DDX1: variants seen among roughly 807,000 people sequenced by gnomAD.
The protein encoded by DDX1 is DEAD-box helicase 1, also known as ATP-dependent RNA helicase DDX1.
In DDX1, 28 loss-of-function variants were observed where a neutral mutation model predicts 108.7. The observed-to-expected ratio is 0.26, with a 90% CI of 0.19 to 0.35. The LOEUF (loss-of-function observed/expected upper bound fraction) is 0.35, where lower values mean the gene tolerates loss of function less well. Ranked by LOEUF, DDX1 falls within the 10% of genes least tolerant of loss-of-function variation. The pLI is 1.00. For missense variants in DDX1, 710 were observed against 884.5 expected (o/e 0.80, Z 2.50); for synonymous variants, 295 against 288.9 (o/e 1.02, Z -0.21).
chr2:15,629,174 T>C (rs1042342786), intron 23 of DDX1, among the ~76,000 whole-genome samples: 1 of 152,186 alleles, frequency 6.6e-6, no homozygotes, highest in East Asian at 1.9e-4. Flanking sequence ...TATAGAAAAG[T>C]TGTATTCATA....
chr2:15,612,890 G>A (rs1665801603), intron 13 of DDX1, among the ~76,000 whole-genome samples: 1 of 150,480 alleles, frequency 6.6e-6, no homozygotes, highest in Admixed American at 6.6e-5. Context: ...GCCTGCAATC[G>A]CAGGCACTCG....
chr2:15,628,492 A>T lies in DDX1; in HGVS notation c.1734A>T (p.Gly578=). 1 of 1,613,422 alleles carries T rather than the reference A, an allele frequency of 6.2e-7. No individual in the cohort carries two copies. Among genetic ancestry groups the T allele is most frequent in the Non-Finnish European group, 8.5e-7 (1 of 1,179,474 alleles). Residue 578 remains glycine, a synonymous_variant, in exon 21 of 26, where the codon GGA becomes GGT. Transcript: ENST00000233084. ...FLICTDVAAR[G]IDIHGVPYVI... is the part of the protein sequence containing the mutation. ...TTTGCACAGATGTAGCTGCTAGAGGAATTGATATCCACGGTGTTCCTTATG... is the reference window on the plus strand; with the variant it reads ...TTTGCACAGATGTAGCTGCTAGAGGTATTGATATCCACGGTGTTCCTTATG...
chr2:15,604,596 A>G, intron 10 of DDX1, 87 bp downstream of exon 10: 2 of 862,722 alleles, frequency 2.3e-6, no homozygotes, highest in Non-Finnish European at 1.9e-6. Context: ...CTGTTTTTCA[A>G]ATCCCCGTCC....
At chr2:15,600,491 G>A (rs747105335) in intron 6 of DDX1, among the ~76,000 whole-genome samples, 5 of 152,274 alleles carry the variant, frequency 3.3e-5, no homozygotes, top group Non-Finnish European at 7.3e-5. Flanking sequence ...GTTTCAGAGT[G>A]TTTTGGTTTT....
chr2:15,598,083 C>G (rs1023347952), intron 5 of DDX1, among the ~76,000 whole-genome samples: 7 of 152,088 alleles, frequency 4.6e-5, no homozygotes, highest in African/African-American at 1.7e-4. Context: ...AAATTTCATT[C>G]TATCTTAATT....
At chr2:15,616,678 T>G (rs1665900239) in intron 14 of DDX1, among the ~76,000 whole-genome samples, 1 of 152,262 alleles carries the variant, frequency 6.6e-6, no homozygotes, top group Non-Finnish European at 1.5e-5. Context: ...CTGTTCATTA[T>G]AAGTACTTGA....
chr2:15,613,252 G>A lies in DDX1; in HGVS notation c.985G>A (p.Ala329Thr). 6.2e-7 allele frequency: 1 copy of A among 1,605,924 alleles called. No individual in the cohort carries two copies. Among genetic ancestry groups the A allele is most frequent in the Non-Finnish European group, 8.5e-7 (1 of 1,176,734 alleles). The change falls in exon 14 of 26, where the codon GCC (alanine) becomes ACC (threonine). Residue 329 changes from alanine to threonine, a missense_variant. By Grantham distance (58) the Ala-to-Thr change is moderately conservative. Around this residue, in one of 3 missense-constraint regions of DDX1, gnomAD observed 661 missense variants for 810.2 expected, o/e 0.82. Coordinates refer to ENST00000233084, the MANE Select transcript of DDX1 (RefSeq NM_004939.3). ...RELLIIGGVA[A>T]RDQLSVLENG... ...GCTTCTGATAATTGGAGGTGTTGCA[G>A]CCCGGGATCAGCTCTCTGTTTTGGA...
intron 10 of DDX1, 27 bp downstream of exon 10, chr2:15,604,536 GA>G (rs1665634664): frequency 3.6e-6 from 5 of 1,386,158 alleles, no homozygotes; most frequent in African/African-American, 1.4e-5. Flanking sequence ...TCTTAGTAGT[GA>G]AAAGATACAT....
intron 5 of DDX1, among the ~76,000 whole-genome samples, chr2:15,597,781 G>T (rs1357998434): frequency 6.6e-6 from 1 of 151,976 alleles, no homozygotes; most frequent in Admixed American, 6.6e-5. Flanking sequence ...AAGGAAAATA[G>T]GTACATTTTA....
Position 15,595,211 on chromosome 2 carries a change from C to T in DDX1, c.68+15C>T. On this transcript the variant is annotated intron_variant, in intron 2 of 25. Transcript: ENST00000233084. Reference sequence around the variant, plus strand: ...ATGGATTGGCTGTAAGTACATAAAGCCTAAATGTACCTGGGAGAGGATGTT... The same window carrying T: ...ATGGATTGGCTGTAAGTACATAAAGTCTAAATGTACCTGGGAGAGGATGTT... The T allele has an allele frequency of 6.3e-7, 1 of 1,577,492 alleles. No individual in the cohort carries two copies. The highest frequency in any genetic ancestry group is 8.7e-7 in the Non-Finnish European group (1 of 1,151,476).
chr2:15,598,762 G>C (rs1665540185), intron 5 of DDX1, among the ~76,000 whole-genome samples: 1 of 152,144 alleles, frequency 6.6e-6, no homozygotes, highest in Non-Finnish European at 1.5e-5. Context: ...TGGAAAGTTG[G>C]TCTAGAAAGC....
intron 9 of DDX1, 65 bp from the exon 10 acceptor site, chr2:15,604,372 C>A: frequency 9.7e-7 from 1 of 1,027,440 alleles, no homozygotes; most frequent in Non-Finnish European, 1.5e-6. Context: ...TTTGATGCAG[C>A]TATATTTTAA....
At chr2:15,623,344 T>C (rs1247642974) in intron 18 of DDX1, 92 bp from the exon 19 acceptor site, 3 of 1,207,070 alleles carry the variant, frequency 2.5e-6, no homozygotes, top group Admixed American at 2.2e-5. Context: ...TTTAGGAAAA[T>C]TAAGCAGTCA....
At chr2:15,629,415 C>G (rs568168346) in intron 23 of DDX1, among the ~76,000 whole-genome samples, 187 bp from the exon 24 acceptor site, 1 of 152,142 alleles carries the variant, frequency 6.6e-6, no homozygotes, top group Admixed American at 6.5e-5. Flanking sequence ...TCAAAAAGAA[C>G]TTTTTCAGAA....
chr2:15,623,166 C>G (rs1666038309), intron 18 of DDX1, among the ~76,000 whole-genome samples: 1 of 151,940 alleles, frequency 6.6e-6, no homozygotes, highest in Admixed American at 6.6e-5. Context: ...TGTGTGTGTT[C>G]CCTCATAAGG....
At chr2:15,612,755 G>A (rs1424042623) in intron 13 of DDX1, among the ~76,000 whole-genome samples, 8 of 152,222 alleles carry the variant, frequency 5.3e-5, no homozygotes, top group South Asian at 2.1e-4. Flanking sequence ...CTGCAATCCC[G>A]GCACCTCGGG....
chr2:15,605,209 T>G (rs6711424), intron 10 of DDX1, among the ~76,000 whole-genome samples: 35,939 of 151,904 alleles, frequency 0.24, 5,295 homozygotes, highest in African/African-American at 0.42. Context: ...GAAGACACAT[T>G]GGAGGGTGGG....
At chr2:15,608,486 C>T (rs1208969519) in intron 13 of DDX1, among the ~76,000 whole-genome samples, 2 of 151,006 alleles carry the variant, frequency 1.3e-5, no homozygotes, top group East Asian at 3.9e-4. Context: ...CAAGATTGCG[C>T]CATTGCACTC....
chr2:15,616,575 C>T (rs984851017), intron 14 of DDX1, among the ~76,000 whole-genome samples: 1 of 152,132 alleles, frequency 6.6e-6, no homozygotes, highest in Non-Finnish European at 1.5e-5. Context: ...TCTAAACTTC[C>T]GTTTTCTCAT....
Sources: gnomAD v4.1 joint callset for allele counts (sites outside exome capture counted in the v4.1 genomes callset) on GRCh38, gnomAD v4.1.1 for gene constraint, gnomAD v4.1.1 regional missense constraint, MANE v1.5 for transcripts, NCBI Gene and HGNC (gene_info 2026-07-23, HGNC 2026-07-21) for gene names.